Variants in LRSAM1 observed in about 807,000 individuals in gnomAD.
LRSAM1 encodes leucine rich repeat and sterile alpha motif containing 1.
In LRSAM1, 96 loss-of-function variants were observed where a neutral mutation model predicts 118.1. That is an observed-to-expected ratio of 0.81 (90% CI 0.69 to 0.96). LRSAM1 has a LOEUF of 0.96. Among genes scored for constraint, LRSAM1 ranks in the 40% least tolerant of loss-of-function variants. The probability of loss-of-function intolerance (pLI) is 0.00; values close to 1 mark genes in which losing one functional copy is unlikely to be tolerated. For missense variants in LRSAM1, 804 were observed against 915.5 expected, an observed-to-expected ratio of 0.88 and a Z score of 1.57; for synonymous variants, 322 against 364.2, an observed-to-expected ratio of 0.88 and a Z score of 1.32.
chr9:127,473,907 C>G lies in LRSAM1; in HGVS notation c.726C>G (p.Phe242Leu), dbSNP rs1274494552. The change falls in exon 11 of 26, where the codon TTC becomes TTG. Residue 242 changes from phenylalanine (F) to leucine (L), a missense_variant. Transcript: ENST00000300417. ...RDSPDGPTDR[F>L]SREELEWQNR... Reference sequence around the variant, plus strand: ...GCCCTGATGGGCCCACGGACAGATTCTCAAGGGAGGAGTTAGAGTGGCAGG... The same window carrying G: ...GCCCTGATGGGCCCACGGACAGATTGTCAAGGGAGGAGTTAGAGTGGCAGG... The G allele has an allele frequency of 6.2e-7, 1 of 1,614,246 alleles. No homozygotes were observed.
At chr9:127,482,811 G>A in intron 15 of LRSAM1, 139 bp from the exon 16 acceptor site, 1 of 752,822 alleles carries the variant, frequency 1.3e-6, no homozygotes. Context: ...TGCTTGTGAT[G>A]CGGTAGGCAT....
intron 6 of LRSAM1, among the ~76,000 whole-genome samples, chr9:127,458,535 G>A (rs1009878574): frequency 2.0e-5 from 3 of 152,104 alleles, no homozygotes; most frequent in Admixed American, 6.5e-5. Flanking sequence ...AGCTGAGGTC[G>A]TGCCACTGCA....
Position 127,479,618 on chromosome 9 carries a change from TC to T in LRSAM1, c.903+115del, listed in dbSNP as rs889612481. The T allele has an allele frequency of 9.3e-6, 14 of 1,499,048 alleles. No individual in the cohort carries two copies. In the Admixed American group the frequency reaches 2.5e-4, roughly 27 times the overall value. The allele number at this position is 1,499,048 out of a possible 1,614,324, so 92.9% of individuals were successfully genotyped here. On this transcript the variant is annotated intron_variant, in intron 13 of 25. Coordinates refer to ENST00000300417, the MANE Select transcript of LRSAM1 (RefSeq NM_001005373.4). ...AAGGCAGTGGGATGAAGCTGTCACT[TC>T]CTTCTGTCCCCCAGCACCTGGGAGG...
intron 16 of LRSAM1, among the ~76,000 whole-genome samples, chr9:127,485,436 A>G (rs1835693447): frequency 1.3e-5 from 2 of 152,126 alleles, no homozygotes; most frequent in African/African-American, 4.8e-5. Flanking sequence ...AGGCGTCTGT[A>G]GTCCCAGCTA....
chr9:127,456,592 C>T (rs916549646), intron 5 of LRSAM1, among the ~76,000 whole-genome samples: 9 of 147,050 alleles, frequency 6.1e-5, no homozygotes, highest in Non-Finnish European at 7.5e-5. Context: ...TGGCCGGGTG[C>T]GGTGGCTCAT....
intron 8 of LRSAM1, 114 bp from the exon 9 acceptor site, chr9:127,462,138 G>T (rs1834770487): frequency 4.1e-6 from 6 of 1,468,362 alleles, no homozygotes; most frequent in East Asian, 2.3e-5. Context: ...GGAAACCTCA[G>T]AGCCCAGGAT....
At chr9:127,498,565 T>G (rs1035084735) in intron 24 of LRSAM1, among the ~76,000 whole-genome samples, 1 of 152,144 alleles carries the variant, frequency 6.6e-6, no homozygotes, top group Non-Finnish European at 1.5e-5. Context: ...GTTCTTCCTC[T>G]CCATAGCAGA....
chr9:127,457,666 G>A (rs1273111175), intron 6 of LRSAM1, among the ~76,000 whole-genome samples: 5 of 152,224 alleles, frequency 3.3e-5, no homozygotes, highest in Middle Eastern at 3.2e-3. Context: ...CTAGCAGAGG[G>A]CGAGGAGACT....
intron 6 of LRSAM1, 30 bp downstream of exon 6, chr9:127,457,423 GC>G (rs1564250956): frequency 6.2e-7 from 1 of 1,607,880 alleles, no homozygotes; most frequent in Admixed American, 1.7e-5. Context: ...GGCAGCTGGG[GC>G]TCTGCATGGG....
chr9:127,501,827 A>C (rs1836405705), intron 25 of LRSAM1, among the ~76,000 whole-genome samples: 1 of 152,370 alleles, frequency 6.6e-6, no homozygotes, highest in South Asian at 2.1e-4. Context: ...CTTTGCCTCC[A>C]CTGAGGGATC....
chr9:127,467,821 C>T lies in LRSAM1; in HGVS notation c.610C>T (p.Leu204Phe). The part of the protein sequence containing the change: ...GAGTAAILQF[L>F]CKESGLEYYP... ...CGGCACTGCGGCCATCTTGCAGTTC[C>T]TCTGCAAAGGTAAAGCCAGGCCGCT... Residue 204 changes from leucine (L) to phenylalanine (F), a missense_variant, in exon 10 of 26, where the codon CTC (leucine) becomes TTC (phenylalanine). Leu to Phe is a conservative substitution (Grantham distance 22). Coordinates refer to ENST00000300417, the MANE Select transcript of LRSAM1 (RefSeq NM_001005373.4). 4 of 1,598,388 alleles carry T rather than the reference C, an allele frequency of 2.5e-6. No individual in the cohort carries two copies. The highest frequency in any genetic ancestry group is 3.4e-6 in the Non-Finnish European group (4 of 1,174,470).
intron 2 of LRSAM1, 121 bp from the exon 3 acceptor site, chr9:127,454,375 G>A (rs1476611249): frequency 6.4e-6 from 5 of 778,912 alleles, no homozygotes; most frequent in African/African-American, 5.1e-5. Context: ...CACAGCCCCT[G>A]CCTCCATGGA....
In LRSAM1 at chr9:127,451,531, C is replaced by T. The variant is rs900368744; in HGVS notation, c.-327C>T. On this transcript the variant is annotated 5_prime_UTR_variant, in exon 1 of 26. Transcript: ENST00000300417. ...GTTTGTTGTGGGCAGGCGCCTGAGG[C>T]TGACGGCTGGCAAGCAGGGCACCGC... 1 of 604,814 alleles carries T rather than the reference C, an allele frequency of 1.7e-6. No individual in the cohort carries two copies. The highest frequency in any genetic ancestry group is 2.9e-6 in the Non-Finnish European group (1 of 343,556). The allele number at this position is 604,814 out of a possible 1,614,324, so 37.5% of individuals were successfully genotyped here. A position where few individuals can be genotyped will look rare whatever the true frequency, so the allele number is the denominator to read the frequency against.
chr9:127,469,711 C>G (rs557902829), intron 10 of LRSAM1, among the ~76,000 whole-genome samples: 1 of 152,006 alleles, frequency 6.6e-6, no homozygotes, highest in African/African-American at 2.4e-5. Flanking sequence ...CGCCTGTAAT[C>G]CCAGCACTTT....
At chr9:127,487,616 CA>C (rs947340214) in intron 17 of LRSAM1, 59 bp from the exon 18 acceptor site, 1 of 1,504,540 alleles carries the variant, frequency 6.6e-7, no homozygotes, top group Non-Finnish European at 9.2e-7. Flanking sequence ...AGGGGCCTGG[CA>C]CATAGTAGGT....
At position 127,491,286 on chromosome 9, in the gene LRSAM1, G is replaced by GT; in HGVS notation, c.1495dup (p.Ser499PhefsTer43). The GT allele has an allele frequency of 6.2e-7, 1 of 1,613,374 alleles. No individual in the cohort carries two copies. Among genetic ancestry groups the GT allele is most frequent in the Non-Finnish European group, 8.5e-7 (1 of 1,179,638 alleles). ...TAAAGAGGAAGTCCCTGGACACAGA[G>GT]TCACTCCAGGTATGTAGGGCTCCCT... On this transcript the variant is annotated frameshift_variant, in exon 20 of 26. Coordinates refer to ENST00000300417, the MANE Select transcript of LRSAM1 (RefSeq NM_001005373.4). LOFTEE classifies it high-confidence loss of function.
At chr9:127,452,574 C>A (rs559808130) in intron 2 of LRSAM1, among the ~76,000 whole-genome samples, 1 of 152,176 alleles carries the variant, frequency 6.6e-6, no homozygotes, top group Admixed American at 6.5e-5. Flanking sequence ...ATGTGGGTTG[C>A]TTTGTGGCTA....
chr9:127,489,676 C>T (rs1293420889), intron 19 of LRSAM1, among the ~76,000 whole-genome samples, 158 bp downstream of exon 19: 1 of 152,246 alleles, frequency 6.6e-6, no homozygotes, highest in Non-Finnish European at 1.5e-5. Flanking sequence ...CCTCCCTTTG[C>T]TCCCAGCCTT....
chr9:127,485,663 C>A, intron 16 of LRSAM1, 73 bp from the exon 17 acceptor site: 1 of 1,419,658 alleles, frequency 7.0e-7, no homozygotes, highest in Non-Finnish European at 1.0e-6. Flanking sequence ...TGTGGAAATC[C>A]CTGCTGCCTC....
Sources: gnomAD v4.1 joint callset for allele counts (sites outside exome capture counted in the v4.1 genomes callset) on GRCh38, gnomAD v4.1.1 for gene constraint, MANE v1.5 for transcripts, NCBI Gene and HGNC (gene_info 2026-07-23, HGNC 2026-07-21) for gene names.